Variants in DMD observed in about 807,000 individuals in gnomAD.
DMD encodes the protein mutant dystrophin.
DMD carries 63 observed loss-of-function variants against 330.1 expected under a neutral mutation model. The ratio of observed to expected loss-of-function variants is 0.19; its 90% CI spans 0.16 to 0.24. The LOEUF is 0.24. Among genes scored for constraint, DMD ranks in the 10% least tolerant of loss-of-function variants. The pLI, the probability that DMD is intolerant of heterozygous loss-of-function variation, is 1.00. For missense variants in DMD, 3,344 were observed against 2,684.1 expected, an observed-to-expected ratio of 1.25 and a Z score of -5.43; for synonymous variants, 1,223 against 959.8, an observed-to-expected ratio of 1.27 and a Z score of -5.07.
At chrX:33,244,039 C>G (rs2052628895) in intron 1 of DMD, among the ~76,000 whole-genome samples, 1 of 112,047 alleles carries the variant, frequency 8.9e-6, no homozygotes, top group Admixed American at 9.5e-5. Context: ...GGTTCTATAA[C>G]ATTATGTCAT....
At chrX:32,711,910 C>T (rs922947281) in intron 7 of DMD, among the ~76,000 whole-genome samples, 1 of 112,138 alleles carries the variant, frequency 8.9e-6, no homozygotes, top group African/African-American at 3.2e-5. Context: ...TTACCACTCA[C>T]TGGTATTATG....
At chrX:32,534,100 A>G (rs768179244) in intron 17 of DMD, among the ~76,000 whole-genome samples, 1 of 112,190 alleles carries the variant, frequency 8.9e-6, no homozygotes, top group African/African-American at 3.2e-5. Flanking sequence ...GTCAGCTAGC[A>G]CTTACATAAC....
chrX:31,317,826 T>A (rs1432895165), intron 62 of DMD, among the ~76,000 whole-genome samples: 1 of 111,931 alleles, frequency 8.9e-6, no homozygotes, highest in Admixed American at 9.5e-5. Context: ...AAATGTTTTC[T>A]ATGTTGATAT....
rs180918787 is a variant in DMD at position 32,631,979 on chromosome X, T to A, written c.1331+12153A>T. Among the ~76,000 whole-genome samples, 4 of 111,482 alleles carry A rather than the reference T, an allele frequency of 3.6e-5. No individual in the cohort carries two copies. In the Admixed American group the frequency reaches 3.8e-4, roughly 11 times the overall value. ...GTCTTCCAAACAGTCCCCCAAGGTC[T>A]TTACTTATTCCAGAATTAACTCAAA... is the stretch of plus-strand genomic sequence containing the variant. On this transcript the variant is annotated intron_variant, in intron 11 of 78. Coordinates refer to ENST00000357033, the MANE Select transcript of DMD (RefSeq NM_004006.3).
At chrX:32,488,368 A>C (rs765486648) in intron 20 of DMD, among the ~76,000 whole-genome samples, 20 of 111,217 alleles carry the variant, frequency 1.8e-4, no homozygotes, top group Admixed American at 9.6e-4. Context: ...AATTCTGATA[A>C]GGCTCTCTAA....
At chrX:32,453,427 TTAGA>T (rs1229868546) in intron 26 of DMD, among the ~76,000 whole-genome samples, 2 of 111,206 alleles carry the variant, frequency 1.8e-5, no homozygotes, top group Non-Finnish European at 3.8e-5. Flanking sequence ...ATGGAGTATA[TTAGA>T]TATTTACTTT....
At chrX:31,717,250 T>A (rs1408637411) in intron 52 of DMD, among the ~76,000 whole-genome samples, 2 of 111,994 alleles carry the variant, frequency 1.8e-5, no homozygotes, top group Non-Finnish European at 3.8e-5. Context: ...TTTGACAGTT[T>A]CAAATTGTCT....
intron 55 of DMD, among the ~76,000 whole-genome samples, chrX:31,592,242 A>G (rs985149795): frequency 9.2e-6 from 1 of 108,405 alleles, no homozygotes; most frequent in South Asian, 4.0e-4. Flanking sequence ...ATATTGCCAA[A>G]TATTAGGTAT....
intron 44 of DMD, among the ~76,000 whole-genome samples, chrX:31,975,853 T>C (rs1264568466): frequency 8.9e-6 from 1 of 111,936 alleles, no homozygotes; most frequent in Non-Finnish European, 1.9e-5. Flanking sequence ...CCAACAAAAT[T>C]GTTTTTCAAA....
At chrX:32,967,604 C>G (rs1250621767) in intron 2 of DMD, among the ~76,000 whole-genome samples, 1 of 111,374 alleles carries the variant, frequency 9.0e-6, no homozygotes, top group East Asian at 2.8e-4. Context: ...CAGAGAAAGT[C>G]TTCAGGTGCA....
At chrX:33,210,340 G>A (rs886627153) in intron 1 of DMD, among the ~76,000 whole-genome samples, 1 of 110,495 alleles carries the variant, frequency 9.1e-6, no homozygotes, top group Admixed American at 9.7e-5. Flanking sequence ...CACTCCACAA[G>A]TCAAAGATGG....
chrX:33,029,483 T>G (rs1661261538), intron 1 of DMD, among the ~76,000 whole-genome samples: 1 of 111,792 alleles, frequency 8.9e-6, no homozygotes, highest in African/African-American at 3.2e-5. Context: ...AAACGCCACT[T>G]CTTTCTCAGG....
At position 31,230,954 on chromosome X, in the gene DMD, G is replaced by A. The variant is rs748391204; in HGVS notation, c.9287-7833C>T. On this transcript the variant is annotated intron_variant, in intron 63 of 78. Coordinates refer to ENST00000357033, the MANE Select transcript of DMD (RefSeq NM_004006.3). The stretch of plus-strand genomic sequence containing the variant: ...CCCTGGTAAAAGGTTTGTTGAGAAA[G>A]CAGTTTCTGTAACAAATGGCCGATA... Among the ~76,000 whole-genome samples the A allele has an allele frequency of 2.7e-5, 3 of 111,608 alleles. No individual in the cohort carries two copies. In the East Asian group the frequency reaches 8.4e-4, roughly 31 times the overall value.
intron 42 of DMD, among the ~76,000 whole-genome samples, chrX:32,301,892 T>G: frequency 9.0e-6 from 1 of 110,951 alleles, no homozygotes; most frequent in Non-Finnish European, 1.9e-5. Flanking sequence ...AAAACAACAA[T>G]TAAAACCAAG....
At chrX:32,617,943 A>C (rs1235158943) in intron 11 of DMD, among the ~76,000 whole-genome samples, 1 of 111,909 alleles carries the variant, frequency 8.9e-6, no homozygotes, top group African/African-American at 3.2e-5. Flanking sequence ...TAAAAGGGAC[A>C]AATGGATAAC....
intron 44 of DMD, among the ~76,000 whole-genome samples, chrX:32,082,013 G>C (rs2096395216): frequency 9.0e-6 from 1 of 111,045 alleles, no homozygotes; most frequent in African/African-American, 3.3e-5. Context: ...TGGCTGTCAG[G>C]AGTTGTGTTT....
intron 49 of DMD, among the ~76,000 whole-genome samples, chrX:31,822,653 G>GGGGGGTGTGTGTGTGT (rs58903799): frequency 1.5e-5 from 1 of 65,809 alleles, no homozygotes; most frequent in African/African-American, 6.4e-5. Flanking sequence ...AAGGCAGAGG[G>GGGGGGTGTGTGTGTGT]GTGTGTGTGT....
At chrX:32,568,884 T>C (rs1373803960) in intron 15 of DMD, among the ~76,000 whole-genome samples, 1 of 112,120 alleles carries the variant, frequency 8.9e-6, no homozygotes, top group Admixed American at 9.5e-5. Flanking sequence ...CTTTTAAGCT[T>C]AGGTCTTACA....
At chrX:32,712,297 C>G in intron 7 of DMD, among the ~76,000 whole-genome samples, 1 of 111,197 alleles carries the variant, frequency 9.0e-6, no homozygotes. Flanking sequence ...GATATATCTG[C>G]CTAACAGTCC....
Sources: gnomAD v4.1 joint callset for allele counts (sites outside exome capture counted in the v4.1 genomes callset) on GRCh38, gnomAD v4.1.1 for gene constraint, MANE v1.5 for transcripts, NCBI Gene and HGNC (gene_info 2026-07-23, HGNC 2026-07-21) for gene names.